TENT4B: variants seen among roughly 807,000 people sequenced by gnomAD.
TENT4B encodes the protein PAP associated domain containing 5.
Under a neutral mutation model 75.0 loss-of-function variants are expected in TENT4B, and 10 were observed. That is an observed-to-expected ratio of 0.13 (90% CI 0.08 to 0.23). The LOEUF is 0.23. Ranked by LOEUF, TENT4B falls within the 10% of genes least tolerant of loss-of-function variation. The pLI, the probability that TENT4B is intolerant of heterozygous loss-of-function variation, is 1.00. For missense variants in TENT4B, 579 were observed against 893.8 expected (o/e 0.65, Z 4.49); for synonymous variants, 350 against 357.7 (o/e 0.98, Z 0.24).
intron 1 of TENT4B, among the ~76,000 whole-genome samples, chr16:50,160,503 T>C (rs556073797): frequency 5.3e-5 from 8 of 152,148 alleles, no homozygotes; most frequent in African/African-American, 1.9e-4. Context: ...TTAGAAAAAT[T>C]CTGATCCTGG....
Position 50,232,240 on chromosome 16 carries a change from T to A in TENT4B, c.*2912T>A. 1 of 985,454 alleles carries A rather than the reference T, an allele frequency of 1.0e-6. No homozygotes were observed. Among genetic ancestry groups the A allele is most frequent in the Non-Finnish European group, 1.2e-6 (1 of 829,934 alleles). The allele number at this position is 985,454 out of a possible 1,614,324, so 61.0% of individuals were successfully genotyped here. On this transcript the variant is annotated 3_prime_UTR_variant, in exon 12 of 12. Coordinates refer to ENST00000561678, the MANE Select transcript of TENT4B (RefSeq NM_001365324.3). ...TGGTTTTGAATGTCTTTGTTTGGTT[T>A]GGAGATGTCGCACTCAGTTTTCAAA...
rs2032291926 is a variant in TENT4B, at chr16:50,231,464, T to G, written c.*2136T>G. 3 of 985,672 alleles carry G rather than the reference T, an allele frequency of 3.0e-6. No individual in the cohort carries two copies. Among genetic ancestry groups the G allele is most frequent in the Non-Finnish European group, 3.6e-6 (3 of 829,890 alleles). 61.1% of individuals were successfully genotyped at this position (985,672 alleles called of 1,614,324 possible). On this transcript the variant is annotated 3_prime_UTR_variant, in exon 12 of 12. Transcript: ENST00000561678. The stretch of plus-strand genomic sequence containing the variant: ...TACCACACTGAAGTTTTTTTTGTTG[T>G]TTTTTGTTTGTTTTTAAAGAATCAC...
intron 1 of TENT4B, among the ~76,000 whole-genome samples, chr16:50,190,316 A>G (rs1036786969): frequency 3.3e-5 from 5 of 151,922 alleles, no homozygotes; most frequent in Non-Finnish European, 5.9e-5. Flanking sequence ...ATTGTAGTAA[A>G]ATACATAAAA....
chr16:50,222,538 G>A, intron 6 of TENT4B, 104 bp downstream of exon 6: 1 of 1,224,776 alleles, frequency 8.2e-7, no homozygotes, highest in Non-Finnish European at 1.1e-6. Flanking sequence ...TAATTGCATT[G>A]CTTTCCTTGA....
intron 2 of TENT4B, 67 bp from the exon 3 acceptor site, chr16:50,214,154 T>C: frequency 8.1e-7 from 1 of 1,240,688 alleles, no homozygotes; most frequent in Non-Finnish European, 1.2e-6. Context: ...TCTCCATATC[T>C]TGGTGACTCA....
intron 1 of TENT4B, among the ~76,000 whole-genome samples, chr16:50,194,744 A>ATTTTT (rs34176224): frequency 5.8e-5 from 4 of 69,406 alleles, no homozygotes; most frequent in African/African-American, 1.1e-4. Context: ...TGCTTGGCTA[A>ATTTTT]TTTTTTTTTT....
intron 4 of TENT4B, 126 bp downstream of exon 4, chr16:50,216,321 C>A: frequency 8.0e-7 from 1 of 1,247,896 alleles, no homozygotes; most frequent in South Asian, 1.4e-5. Context: ...TTAATGTCAC[C>A]GTGCTTGCAC....
rs1479244350 is a variant in TENT4B at position 50,232,208 on chromosome 16, AGGTGCCT to A, written c.*2884_*2890del. ...CCCTCCAGCTTTAAGGTGACTGTGA[AGGTGCCT>A]GGTTTTGAATGTCTTTGTTTGGTTT... On this transcript the variant is annotated 3_prime_UTR_variant, in exon 12 of 12. Transcript: ENST00000561678. The A allele has an allele frequency of 1.3e-4, 132 of 985,300 alleles. No homozygotes were observed. Among genetic ancestry groups the A allele is most frequent in the Non-Finnish European group, 1.5e-4 (127 of 829,936 alleles). The allele number at this position is 985,300 out of a possible 1,614,324, so 61.0% of individuals were successfully genotyped here. A position where few individuals can be genotyped will look rare whatever the true frequency, so the allele number is the denominator to read the frequency against.
chr16:50,228,575 T>A (rs2032156793), intron 11 of TENT4B, among the ~76,000 whole-genome samples: 1 of 149,906 alleles, frequency 6.7e-6, no homozygotes, highest in Admixed American at 6.7e-5. Flanking sequence ...GCTGGGTCAC[T>A]CCTCACTATA....
chr16:50,184,513 A>G (rs1204927044), intron 1 of TENT4B, among the ~76,000 whole-genome samples: 1 of 151,932 alleles, frequency 6.6e-6, no homozygotes, highest in Non-Finnish European at 1.5e-5. Context: ...CTAAAAAACA[A>G]AAAATTAGCC....
intron 1 of TENT4B, among the ~76,000 whole-genome samples, chr16:50,154,870 A>G (rs2037860111): frequency 6.6e-6 from 1 of 152,116 alleles, no homozygotes; most frequent in Non-Finnish European, 1.5e-5. Context: ...AAAAATTCCC[A>G]TGTCACAGAT....
intron 1 of TENT4B, among the ~76,000 whole-genome samples, chr16:50,187,272 T>TAC (rs1347866571): frequency 1.3e-5 from 2 of 152,238 alleles, no homozygotes; most frequent in Non-Finnish European, 2.9e-5. Context: ...AGTTAATTTT[T>TAC]GTATACAGTT....
intron 1 of TENT4B, among the ~76,000 whole-genome samples, chr16:50,194,940 G>A (rs1329903556): frequency 2.6e-5 from 4 of 151,810 alleles, no homozygotes; most frequent in Middle Eastern, 6.8e-3. Flanking sequence ...TAGTAGAGAC[G>A]GGGTTTCACC....
chr16:50,192,982 G>A (rs1376665168), intron 1 of TENT4B, among the ~76,000 whole-genome samples: 1 of 152,162 alleles, frequency 6.6e-6, no homozygotes, highest in Non-Finnish European at 1.5e-5. Flanking sequence ...GCTGAGGTAG[G>A]AGGATTGCCT....
chr16:50,157,753 C>A (rs998910451), intron 1 of TENT4B, among the ~76,000 whole-genome samples: 5 of 151,640 alleles, frequency 3.3e-5, no homozygotes, highest in South Asian at 2.1e-4. Context: ...GCCACTGTGC[C>A]TGGCCTAAAT....
Position 50,232,807 on chromosome 16 carries a change from G to T in TENT4B, c.*3479G>T. On this transcript the variant is annotated 3_prime_UTR_variant, in exon 12 of 12. Coordinates refer to ENST00000561678, the MANE Select transcript of TENT4B (RefSeq NM_001365324.3). Reference sequence around the variant, plus strand: ...TACATCTCAGTTTTACTTTAATATTGATCTATAGTTTGATCAGTTCCTTGA... The same window carrying T: ...TACATCTCAGTTTTACTTTAATATTTATCTATAGTTTGATCAGTTCCTTGA... The T allele has an allele frequency of 1.0e-6, 1 of 985,226 alleles. No individual in the cohort carries two copies. Among genetic ancestry groups the T allele is most frequent in the Non-Finnish European group, 1.2e-6 (1 of 829,808 alleles). The allele number at this position is 985,226 out of a possible 1,614,324, so 61.0% of individuals were successfully genotyped here.
At chr16:50,153,187 G>GGGGGC, upstream of TENT4B, among the ~76,000 whole-genome samples, 1 of 113,060 alleles carries the variant, frequency 8.8e-6, no homozygotes, top group South Asian at 3.1e-4. Flanking sequence ...GGGCGGTGGG[G>GGGGGC]GGGGGGGGCG....
intron 1 of TENT4B, among the ~76,000 whole-genome samples, chr16:50,184,556 A>T (rs2038487278): frequency 6.6e-6 from 1 of 152,288 alleles, no homozygotes; most frequent in Non-Finnish European, 1.5e-5. Context: ...AGTCCCAGCT[A>T]CGCAGGAGGC....
chr16:50,206,431 A>T (rs1430694584), intron 1 of TENT4B, among the ~76,000 whole-genome samples: 1 of 121,186 alleles, frequency 8.3e-6, no homozygotes, highest in South Asian at 2.5e-4. Context: ...ATGTCCTGTT[A>T]TTGACAGTTA....
Sources: gnomAD v4.1 joint callset for allele counts (sites outside exome capture counted in the v4.1 genomes callset) on GRCh38, gnomAD v4.1.1 for gene constraint, MANE v1.5 for transcripts, NCBI Gene and HGNC (gene_info 2026-07-23, HGNC 2026-07-21) for gene names.